WWC1: variants seen among roughly 807,000 people sequenced by gnomAD.
WWC1 encodes WW and C2 domain containing 1, also known as protein KIBRA.
Under a neutral mutation model 138.4 loss-of-function variants are expected in WWC1, and 55 were observed. That is an observed-to-expected ratio of 0.40 (90% CI 0.32 to 0.50). The LOEUF is 0.50. Among genes scored for constraint, WWC1 ranks in the 20% least tolerant of loss-of-function variants. The probability of loss-of-function intolerance (pLI) is 0.72; values close to 1 mark genes in which losing one functional copy is unlikely to be tolerated. For missense variants in WWC1, 1,226 were observed against 1,420.4 expected, an observed-to-expected ratio of 0.86 and a Z score of 2.20; for synonymous variants, 524 against 564.9, an observed-to-expected ratio of 0.93 and a Z score of 1.03.
chr5:168,417,197 G>C (rs2152846297), intron 9 of WWC1, among the ~76,000 whole-genome samples: 1 of 143,002 alleles, frequency 7.0e-6, no homozygotes, highest in African/African-American at 2.7e-5. Flanking sequence ...TGACATTTAA[G>C]AATTTGATGT....
At chr5:168,326,216 C>CTTTTTTTTT (rs796347858) in intron 1 of WWC1, among the ~76,000 whole-genome samples, 8 of 113,280 alleles carry the variant, frequency 7.1e-5, no homozygotes, top group African/African-American at 2.4e-4. Context: ...ACCTGATAGT[C>CTTTTTTTTT]TTTTTTTTTT....
intron 4 of WWC1, 83 bp from the exon 5 acceptor site, chr5:168,399,405 G>A (rs1779145866): frequency 6.8e-7 from 1 of 1,465,750 alleles, no homozygotes; most frequent in African/African-American, 1.4e-5. Flanking sequence ...GGGAGGCTCT[G>A]GGTTCCCTTT....
At chr5:168,310,032 C>G (rs984714205) in intron 1 of WWC1, among the ~76,000 whole-genome samples, 1 of 152,224 alleles carries the variant, frequency 6.6e-6, no homozygotes, top group African/African-American at 2.4e-5. Context: ...CAGCCCTCCC[C>G]CTTCCCTGTC....
At chr5:168,347,673 A>C (rs989220651) in intron 1 of WWC1, among the ~76,000 whole-genome samples, 7 of 152,192 alleles carry the variant, frequency 4.6e-5, no homozygotes, top group Non-Finnish European at 7.3e-5. Context: ...GAAGGTGAAG[A>C]GCAATCTATG....
intron 2 of WWC1, among the ~76,000 whole-genome samples, chr5:168,373,842 C>G (rs1269376249): frequency 6.7e-6 from 1 of 149,602 alleles, no homozygotes; most frequent in African/African-American, 2.5e-5. Context: ...GTCAGGAGGT[C>G]GAGACCATTC....
intron 1 of WWC1, among the ~76,000 whole-genome samples, chr5:168,318,061 T>G (rs1271374256): frequency 6.7e-6 from 1 of 148,730 alleles, no homozygotes; most frequent in Non-Finnish European, 1.5e-5. Context: ...AAAGTATGAT[T>G]TTTTTTTTTT....
chr5:168,359,034 GTGTGTGTGTGT>G (rs1486819782), intron 1 of WWC1, among the ~76,000 whole-genome samples: 1 of 6,860 alleles, frequency 1.5e-4, no homozygotes, highest in Non-Finnish European at 2.5e-4. Flanking sequence ...TGGTGGTGGG[GTGTGTGTGTGT>G]GTGTGTGTGT....
chr5:168,371,553 C>T lies in WWC1; in HGVS notation c.229+20C>T. ...ACACCAGTAAGTTCCCGACGGTCCTCCCTTCCCTGTGCCCTCTTCATCCCT... is the reference window on the plus strand; with the variant it reads ...ACACCAGTAAGTTCCCGACGGTCCTTCCTTCCCTGTGCCCTCTTCATCCCT... On this transcript the variant is annotated intron_variant, in intron 2 of 22. Coordinates refer to ENST00000265293, the MANE Select transcript of WWC1 (RefSeq NM_015238.3). 1 of 1,586,152 alleles carries T rather than the reference C, an allele frequency of 6.3e-7. No homozygotes were observed. Among genetic ancestry groups the T allele is most frequent in the Non-Finnish European group, 8.7e-7 (1 of 1,155,616 alleles).
chr5:168,431,003 C>A (rs536409087), intron 14 of WWC1, among the ~76,000 whole-genome samples: 1 of 152,336 alleles, frequency 6.6e-6, no homozygotes. Context: ...CACTGGTACT[C>A]ATGCAGGGGC....
intron 19 of WWC1, among the ~76,000 whole-genome samples, chr5:168,460,054 C>T (rs1006759986): frequency 6.6e-6 from 1 of 152,142 alleles, no homozygotes; most frequent in Non-Finnish European, 1.5e-5. Flanking sequence ...CGAGCGGATG[C>T]CCACGGGGAG....
At chr5:168,402,466 T>C (rs962301768) in intron 5 of WWC1, among the ~76,000 whole-genome samples, 1 of 152,160 alleles carries the variant, frequency 6.6e-6, no homozygotes, top group Non-Finnish European at 1.5e-5. Context: ...ATGCCTGGCA[T>C]GAGGGAAGAG....
intron 1 of WWC1, among the ~76,000 whole-genome samples, chr5:168,320,709 C>CA (rs1245176478): frequency 6.6e-6 from 1 of 152,080 alleles, no homozygotes; most frequent in Non-Finnish European, 1.5e-5. Flanking sequence ...GAGGCTTTTT[C>CA]AAGTAGAGCA....
At chr5:168,413,063 G>A (rs78024812) in intron 8 of WWC1, among the ~76,000 whole-genome samples, 33 of 152,302 alleles carry the variant, frequency 2.2e-4, no homozygotes, top group African/African-American at 7.7e-4. Flanking sequence ...TTTGTCCCCA[G>A]CAGTGTTCTG....
chr5:168,357,162 A>G (rs115548545), intron 1 of WWC1, among the ~76,000 whole-genome samples: 83 of 152,216 alleles, frequency 5.5e-4, no homozygotes, highest in African/African-American at 1.9e-3. Context: ...GGGAATTCCA[A>G]TGAGATCTTT....
intron 1 of WWC1, among the ~76,000 whole-genome samples, chr5:168,323,161 T>C (rs1772257640): frequency 6.6e-6 from 1 of 152,134 alleles, no homozygotes; most frequent in Non-Finnish European, 1.5e-5. Flanking sequence ...TTACAACATC[T>C]GATGAAAAAT....
rs1782344208 is a variant in WWC1, at chr5:168,436,266, G to A, written c.2280+4822G>A. Among the ~76,000 whole-genome samples, 3 of 152,082 alleles carry A rather than the reference G, an allele frequency of 2.0e-5. No individual in the cohort carries two copies. The South Asian group carries it at 6.2e-4, about 32-fold the overall frequency. ...GCCAGCTACATTTGCCACAGTTGCT[G>A]ACTCCACCTCCTTCAAAATCCTTTG... is the stretch of plus-strand genomic sequence containing the variant. On this transcript the variant is annotated intron_variant, in intron 15 of 22. Transcript: ENST00000265293.
At chr5:168,461,684 CT>C (rs1327328546) in intron 20 of WWC1, among the ~76,000 whole-genome samples, 1 of 152,204 alleles carries the variant, frequency 6.6e-6, no homozygotes, top group Non-Finnish European at 1.5e-5. Context: ...GCCCTCCCGA[CT>C]TTGGGCTTTC....
chr5:168,462,592 C>G (rs1177112198), intron 20 of WWC1, among the ~76,000 whole-genome samples: 2 of 152,212 alleles, frequency 1.3e-5, no homozygotes, highest in Non-Finnish European at 2.9e-5. Flanking sequence ...ACTTGCTCCC[C>G]CTGCGTTTCC....
intron 1 of WWC1, among the ~76,000 whole-genome samples, chr5:168,326,838 G>A (rs980424625): frequency 3.3e-5 from 5 of 152,150 alleles, no homozygotes; most frequent in Admixed American, 6.5e-5. Flanking sequence ...GTGCCCGGCC[G>A]GACCGGATAG....
Sources: allele counts gnomAD v4.1 joint callset (sites outside exome capture counted in the v4.1 genomes callset), GRCh38; gene constraint gnomAD v4.1.1; transcripts MANE v1.5; gene names NCBI Gene and HGNC (gene_info 2026-07-23, HGNC 2026-07-21).